CERS1: variants seen among roughly 807,000 people sequenced by gnomAD.
The protein encoded by CERS1 is Embryonic growth/differentiation factor 1.
In CERS1, 16 loss-of-function variants were observed where a neutral mutation model predicts 35.7. The ratio of observed to expected loss-of-function variants is 0.45; its 90% confidence interval spans 0.30 to 0.68. The LOEUF is 0.68. Ranked by LOEUF, CERS1 falls within the 30% of genes least tolerant of loss-of-function variation. The probability of loss-of-function intolerance (pLI) is 0.08; values close to 1 mark genes in which losing one functional copy is unlikely to be tolerated. For synonymous variants in CERS1, 243 were observed against 201.6 expected (o/e 1.21, Z -1.74); for missense variants, 454 against 453.9 (o/e 1.00, Z 0.00).
At chr19:18,877,227 G>GATGAGATGA (rs2056074872) in intron 6 of CERS1, among the ~76,000 whole-genome samples, 1 of 152,232 alleles carries the variant, frequency 6.6e-6, no homozygotes, top group Non-Finnish European at 1.5e-5. Context: ...CTCTTACCCT[G>GATGAGATGA]TGTTCTGATG....
intron 6 of CERS1, among the ~76,000 whole-genome samples, chr19:18,872,628 G>A (rs960918600): frequency 5.3e-5 from 8 of 151,708 alleles, no homozygotes; most frequent in Non-Finnish European, 1.2e-4. Flanking sequence ...TGATTCTCCT[G>A]CCTCAGCCCC....
chr19:18,876,484 GGT>G (rs1356210964), intron 6 of CERS1, among the ~76,000 whole-genome samples: 1 of 151,678 alleles, frequency 6.6e-6, no homozygotes, highest in Non-Finnish European at 1.5e-5. Context: ...TGGGACTATA[GGT>G]GTGTGCCACA....
rs555949772 is a variant in CERS1 at position 18,890,049 on chromosome 19, C to T, written c.409+3367G>A. On this transcript the variant is annotated intron_variant, in intron 2 of 7. Transcript: ENST00000623882. ...CTGGACCCCTGGGGTAGATGCCCAA[C>T]CCAGGGTGACATCCCTCCTCTGCTC... 2.0e-5 allele frequency among the ~76,000 whole-genome samples: 3 copies of T among 152,346 alleles called. 1 individual carries two copies. Among genetic ancestry groups the T allele is most frequent in the East Asian group, 3.9e-4 (2 of 5,186 alleles).
chr19:18,877,033 G>C (rs772078664), intron 6 of CERS1, among the ~76,000 whole-genome samples: 37 of 152,132 alleles, frequency 2.4e-4, no homozygotes, highest in Non-Finnish European at 4.1e-4. Context: ...TTTGGAAGAC[G>C]TCTCTCAGCC....
Position 18,870,333 on chromosome 19 carries a change from G to A in CERS1, c.*244C>T. 1 of 1,544,006 alleles carries A rather than the reference G, an allele frequency of 6.5e-7. No homozygotes were observed. The highest frequency in any genetic ancestry group is 2.5e-5 in the East Asian group (1 of 40,794). On this transcript the variant is annotated 3_prime_UTR_variant, in exon 7 of 8. Transcript: ENST00000623882. The surrounding 1 kb of genome is among the most constrained non-coding windows in gnomAD (Gnocchi z 5.1). ...CTTCCTCCCAGGCGATGACCAGAGA[G>A]TGCGCAGGGTCCGCGGCGGCCCGGG...
chr19:18,883,821 G>A (rs1414139339), intron 3 of CERS1, among the ~76,000 whole-genome samples: 4 of 152,114 alleles, frequency 2.6e-5, no homozygotes, highest in Non-Finnish European at 4.4e-5. Context: ...GGTGAGTGGG[G>A]TGGGGTGGCT....
intron 3 of CERS1, among the ~76,000 whole-genome samples, chr19:18,882,884 G>A (rs1427265289): frequency 3.9e-5 from 6 of 152,114 alleles, no homozygotes; most frequent in East Asian, 3.9e-4. Context: ...GTAGAGACAC[G>A]GTTTCACTGT....
At position 18,870,669 on chromosome 19, in the gene CERS1, C is replaced by T. The variant is rs1568292078; in HGVS notation, c.1011-50G>A. ...TAGCCTGGGAGCCCCACGCGGCCGC[C>T]TGGCCCTCTTTCCCGCTTCTTCTCT... is the stretch of plus-strand genomic sequence containing the variant. On this transcript the variant is annotated intron_variant, in intron 6 of 7. Coordinates refer to ENST00000623882, the MANE Select transcript of CERS1 (RefSeq NM_021267.5). This position sits in a 1 kb window ranked among gnomAD's most constrained non-coding sequence, Gnocchi z 5.1. The T allele has an allele frequency of 3.9e-6, 2 of 514,488 alleles. No homozygotes were observed. The highest frequency in any genetic ancestry group is 3.8e-5 in the Admixed American group (1 of 26,008). The allele number at this position is 514,488 out of a possible 1,614,324, so 31.9% of individuals were successfully genotyped here.
intron 6 of CERS1, among the ~76,000 whole-genome samples, chr19:18,874,560 G>A (rs2145998298): frequency 6.6e-6 from 1 of 152,370 alleles, no homozygotes; most frequent in Non-Finnish European, 1.5e-5. Context: ...ACCAGATCCA[G>A]AGAGAGGTGA....
At chr19:18,879,131 A>C (rs2056127616) in intron 5 of CERS1, 92 bp from the exon 6 acceptor site, 2 of 1,586,240 alleles carry the variant, frequency 1.3e-6, no homozygotes, top group Non-Finnish European at 1.7e-6. Context: ...GGCCCTCCAC[A>C]CGGGCTGTCT....
At chr19:18,894,621 G>A (rs1233711014) in intron 1 of CERS1, among the ~76,000 whole-genome samples, 1 of 152,086 alleles carries the variant, frequency 6.6e-6, no homozygotes, top group Non-Finnish European at 1.5e-5. Flanking sequence ...CTTCCCAGCT[G>A]GAAACTGGGA....
In CERS1 at chr19:18,886,300, A is replaced by G. The variant is rs553188026; in HGVS notation, c.410-2033T>C. ...CGCAGTGGCTCACGCCTGTAATCCCAGCACTTTGGGAGGCCGAGGCGGGCG... is the reference window on the plus strand; with the variant it reads ...CGCAGTGGCTCACGCCTGTAATCCCGGCACTTTGGGAGGCCGAGGCGGGCG... On this transcript the variant is annotated intron_variant, in intron 2 of 7. Coordinates refer to ENST00000623882, the MANE Select transcript of CERS1 (RefSeq NM_021267.5). Among the ~76,000 whole-genome samples, 21 of 152,302 alleles carry G rather than the reference A, an allele frequency of 1.4e-4. No individual in the cohort carries two copies. In the South Asian group the frequency reaches 4.4e-3, roughly 32 times the overall value.
In CERS1 at chr19:18,880,263, C is replaced by A; in HGVS notation, c.752+11G>T. 6.5e-7 allele frequency: 1 copy of A among 1,545,784 alleles called. No individual in the cohort carries two copies. Among genetic ancestry groups the A allele is most frequent in the South Asian group, 1.2e-5 (1 of 83,398 alleles). On this transcript the variant is annotated intron_variant, in intron 4 of 7. Coordinates refer to ENST00000623882, the MANE Select transcript of CERS1 (RefSeq NM_021267.5). ...CACCTCCCTCCCTGCCCAGCACTCC[C>A]TACCACTCACCAGCTGAAGCCGAAG...
rs547222714 is a variant in CERS1 at position 18,870,718 on chromosome 19, C to T, written c.1011-99G>A. ...CTGGCCGTTTCACACCCCCTGGCTC[C>T]TTTTACCCGGCCAGGCCCGGGCCTC... On this transcript the variant is annotated intron_variant, in intron 6 of 7. Transcript: ENST00000623882. The surrounding 1 kb of genome is among the most constrained non-coding windows in gnomAD (Gnocchi z 5.1). 2.1e-6 allele frequency: 1 copy of T among 472,648 alleles called. No homozygotes were observed. Among genetic ancestry groups the T allele is most frequent in the East Asian group, 3.5e-5 (1 of 28,566 alleles). The allele number at this position is 472,648 out of a possible 1,614,324, so 29.3% of individuals were successfully genotyped here.
In CERS1 at chr19:18,869,181, CG is replaced by C; in HGVS notation, c.*803del. 1 of 1,165,082 alleles carries C rather than the reference CG, an allele frequency of 8.6e-7. No individual in the cohort carries two copies. The highest frequency in any genetic ancestry group is 1.1e-6 in the Non-Finnish European group (1 of 946,432). 72.2% of individuals were successfully genotyped at this position (1,165,082 alleles called of 1,614,324 possible). On this transcript the variant is annotated 3_prime_UTR_variant, in exon 8 of 8. Coordinates refer to ENST00000623882, the MANE Select transcript of CERS1 (RefSeq NM_021267.5). ...ACCAACTGGCGGAGCAGCACCGGCC[CG>C]GGGTCCGCGCCCGCGCCCTGGCCCG... is the stretch of plus-strand genomic sequence containing the variant.
intron 6 of CERS1, among the ~76,000 whole-genome samples, chr19:18,871,531 T>C (rs1237485163): frequency 1.3e-5 from 2 of 152,142 alleles, no homozygotes; most frequent in African/African-American, 4.8e-5. Flanking sequence ...CCCAGCTAAC[T>C]TTTTTTATTG....
chr19:18,868,761 C>T lies in CERS1; in HGVS notation c.*1224G>A. The T allele has an allele frequency of 6.7e-7, 1 of 1,503,660 alleles. No homozygotes were observed. The highest frequency in any genetic ancestry group is 1.2e-5 in the South Asian group (1 of 81,940). The allele number at this position is 1,503,660 out of a possible 1,614,324, so 93.1% of individuals were successfully genotyped here. On this transcript the variant is annotated 3_prime_UTR_variant, in exon 8 of 8. Transcript: ENST00000623882. ...GCCGCGTGCATGAGCGCGCGCAGCA[C>T]AGCGTGGTTGAGCGCCGGCGGCCCC...
Position 18,869,969 on chromosome 19 carries a change from A to G in CERS1, c.*594+14T>C, listed in dbSNP as rs1366529130. 2 of 1,575,898 alleles carry G rather than the reference A, an allele frequency of 1.3e-6. No individual in the cohort carries two copies. Among genetic ancestry groups the G allele is most frequent in the Admixed American group, 1.8e-5 (1 of 55,286 alleles). On this transcript the variant is annotated intron_variant, in intron 7 of 7. Transcript: ENST00000623882. ...GCCTCCAGGACCAGTGTCCCCAGCG[A>G]AAGCCCCACTCACCGCGGTCCGGGA...
chr19:18,872,515 ATT>A (rs1006396798), intron 6 of CERS1, among the ~76,000 whole-genome samples: 44 of 125,822 alleles, frequency 3.5e-4, no homozygotes, highest in African/African-American at 8.1e-4. Flanking sequence ...GCCCGGGGTA[ATT>A]TTTTTTTTTT....
Sources: allele counts gnomAD v4.1 joint callset (sites outside exome capture counted in the v4.1 genomes callset), GRCh38; gene constraint gnomAD v4.1.1; non-coding constraint Gnocchi (gnomAD v3.1); transcripts MANE v1.5; gene names NCBI Gene and HGNC (gene_info 2026-07-23, HGNC 2026-07-21).